The following SLC1A7 variants were observed in gnomAD, a reference collection of about 807,000 sequenced individuals.
SLC1A7 encodes solute carrier family 1 member 7.
SLC1A7 carries 40 observed loss-of-function variants against 47.7 expected under a neutral mutation model. That is an observed-to-expected ratio of 0.84 (90% confidence interval 0.65 to 1.09). The LOEUF is 1.09. SLC1A7 is among the 50% of genes least tolerant of loss of function. The probability of loss-of-function intolerance (pLI) is 0.00; values close to 1 mark genes in which losing one functional copy is unlikely to be tolerated. For missense variants in SLC1A7, 746 were observed against 769.5 expected (o/e 0.97, Z 0.36); for synonymous variants, 323 against 325.6 (o/e 0.99, Z 0.09).
chr1:53,116,826 T>C (rs929320910), intron 2 of SLC1A7, among the ~76,000 whole-genome samples: 2 of 152,204 alleles, frequency 1.3e-5, no homozygotes, highest in Non-Finnish European at 2.9e-5. Flanking sequence ...TCCTCCTTCA[T>C]TCACGTGCAT....
At chr1:53,098,052 ACT>A (rs1250515575) in intron 5 of SLC1A7, among the ~76,000 whole-genome samples, 2 of 149,784 alleles carry the variant, frequency 1.3e-5, no homozygotes, top group East Asian at 3.9e-4. Flanking sequence ...GCCTCCGTAC[ACT>A]CACACATTTT....
chr1:53,101,364 GTACACTCACACACACTGCCCCAT>G (rs1453727985), intron 5 of SLC1A7, among the ~76,000 whole-genome samples: 4 of 129,626 alleles, frequency 3.1e-5, no homozygotes, highest in South Asian at 2.6e-4. Flanking sequence ...CCCCGCTTTG[GTACACTCACACACACTGCCCCAT>G]TACACTCACA....
At chr1:53,130,379 G>A (rs541626988) in intron 2 of SLC1A7, among the ~76,000 whole-genome samples, 1 of 152,288 alleles carries the variant, frequency 6.6e-6, no homozygotes. Context: ...AAGGGTGGCT[G>A]TTTGTCCTGG....
chr1:53,114,531 C>T (rs1290087457), intron 3 of SLC1A7: 1 of 578,728 alleles, frequency 1.7e-6, no homozygotes, highest in East Asian at 2.8e-5. Flanking sequence ...CTGCGCCCAT[C>T]CACAGGCAGA....
At chr1:53,089,736 A>G in intron 9 of SLC1A7, 64 bp downstream of exon 9, 1 of 1,564,396 alleles carries the variant, frequency 6.4e-7, no homozygotes, top group Non-Finnish European at 8.8e-7. Context: ...GCTCACCCTG[A>G]TCCCTGCTGA....
intron 7 of SLC1A7, 77 bp from the exon 8 acceptor site, chr1:53,090,883 T>C: frequency 6.4e-7 from 1 of 1,551,518 alleles, no homozygotes; most frequent in African/African-American, 1.4e-5. Flanking sequence ...AGCTCACCCC[T>C]CCCCAGGCAG....
At chr1:53,122,528 A>T (rs554746116) in intron 2 of SLC1A7, among the ~76,000 whole-genome samples, 11 of 152,306 alleles carry the variant, frequency 7.2e-5, no homozygotes, top group African/African-American at 2.6e-4. Context: ...AACAGCTGAC[A>T]GCCAGTGCCA....
chr1:53,088,935 G>C lies in SLC1A7; in HGVS notation c.1406C>G (p.Ala469Gly). 6.2e-7 allele frequency: 1 copy of C among 1,614,174 alleles called. No homozygotes were observed. Among genetic ancestry groups the C allele is most frequent in the Non-Finnish European group, 8.5e-7 (1 of 1,180,036 alleles). The change falls in exon 10 of 11, where the codon GCA (alanine) becomes GGA (glycine). Residue 469 changes from alanine to glycine, a missense_variant. Physicochemically the swap from Ala to Gly is moderately conservative, Grantham distance 60. Coordinates refer to ENST00000371494, the MANE Select transcript of SLC1A7 (RefSeq NM_006671.6). ...TMINVLGDAL[A>G]AGIMAHICRK... The stretch of plus-strand genomic sequence containing the variant: ...ACATATATGGGCCATGATCCCCGCT[G>C]CCAGCGCATCACCCAGCACGTTAAT...
chr1:53,093,626 G>C, intron 5 of SLC1A7, 66 bp from the exon 6 acceptor site: 1 of 1,272,366 alleles, frequency 7.9e-7, no homozygotes, highest in Non-Finnish European at 1.1e-6. Context: ...ATGGGTCTCA[G>C]CATGGCTGGC....
chr1:53,119,406 T>C (rs1230765518), intron 2 of SLC1A7, among the ~76,000 whole-genome samples: 4 of 152,194 alleles, frequency 2.6e-5, no homozygotes, highest in Non-Finnish European at 4.4e-5. Context: ...TGGGGCTCAG[T>C]GGCACGATCA....
At chr1:53,137,542 A>G (rs984744322) in intron 1 of SLC1A7, among the ~76,000 whole-genome samples, 7 of 152,162 alleles carry the variant, frequency 4.6e-5, no homozygotes, top group Non-Finnish European at 8.8e-5. Flanking sequence ...TTATATTTAT[A>G]TCAATTTTTT....
chr1:53,099,342 C>T (rs2150321352), intron 5 of SLC1A7, among the ~76,000 whole-genome samples: 1 of 58,806 alleles, frequency 1.7e-5, no homozygotes, highest in South Asian at 6.6e-4. Context: ...CTCACACTGC[C>T]TCAGTACCTC....
chr1:53,126,177 C>T (rs537466259), intron 2 of SLC1A7, among the ~76,000 whole-genome samples: 1 of 152,276 alleles, frequency 6.6e-6, no homozygotes, highest in Admixed American at 6.5e-5. Context: ...AACACCCACC[C>T]CTCTGCAGGC....
intron 5 of SLC1A7, among the ~76,000 whole-genome samples, chr1:53,101,708 C>T (rs1047513129): frequency 2.0e-5 from 3 of 150,430 alleles, no homozygotes; most frequent in African/African-American, 7.4e-5. Flanking sequence ...CTCACACCAG[C>T]TTGGTACACT....
intron 5 of SLC1A7, among the ~76,000 whole-genome samples, chr1:53,099,088 G>A (rs969042210): frequency 5.5e-5 from 8 of 146,482 alleles, no homozygotes; most frequent in African/African-American, 1.0e-4. Flanking sequence ...ACCCCGCCTC[G>A]GTACATGCAC....
rs117410269 is a variant in SLC1A7, at chr1:53,100,657, G to A, written c.697+2689C>T. On this transcript the variant is annotated intron_variant, in intron 5 of 10. Coordinates refer to ENST00000371494, the MANE Select transcript of SLC1A7 (RefSeq NM_006671.6). ...TCGGTACACTCACACACCTTTCCTC[G>A]GTACACTCACACGACTTGCCTCGGT... is the stretch of plus-strand genomic sequence containing the variant. Among the ~76,000 whole-genome samples, 335 of 145,586 alleles carry A rather than the reference G, an allele frequency of 2.3e-3. 9 individuals carry two copies. The East Asian group carries it at 0.06, about 26-fold the overall frequency.
intron 2 of SLC1A7, among the ~76,000 whole-genome samples, chr1:53,127,947 G>T (rs1470014572): frequency 6.6e-6 from 1 of 152,218 alleles, no homozygotes; most frequent in African/African-American, 2.4e-5. Context: ...ACTCAGCCAA[G>T]CCCGCCCAGA....
chr1:53,126,036 A>G (rs148173452), intron 2 of SLC1A7, among the ~76,000 whole-genome samples: 1 of 152,404 alleles, frequency 6.6e-6, no homozygotes, highest in African/African-American at 2.4e-5. Context: ...AGTTGCCCAT[A>G]GAGTCCAGGA....
At position 53,128,690 on chromosome 1, in the gene SLC1A7, C is replaced by T. The variant is rs973696658; in HGVS notation, c.215+5660G>A. ...GGTCTGTACCAGTGTTGAGGGAGCACCCGGGTGTGCCTCAGTCAAGGGTGG... is the reference window on the plus strand; with the variant it reads ...GGTCTGTACCAGTGTTGAGGGAGCATCCGGGTGTGCCTCAGTCAAGGGTGG... On this transcript the variant is annotated intron_variant, in intron 2 of 10. Transcript: ENST00000371494. Among the ~76,000 whole-genome samples, 31 of 141,860 alleles carry T rather than the reference C, an allele frequency of 2.2e-4. 9 individuals are homozygous for T. Among genetic ancestry groups the T allele is most frequent in the African/African-American group, 8.1e-4 (31 of 38,336 alleles). The allele number at this position is 141,860 out of a possible 152,430, so 93.1% of individuals were successfully genotyped here.
Sources: gnomAD v4.1 joint callset for allele counts (sites outside exome capture counted in the v4.1 genomes callset) on GRCh38, gnomAD v4.1.1 for gene constraint, MANE v1.5 for transcripts, NCBI Gene and HGNC (gene_info 2026-07-23, HGNC 2026-07-21) for gene names.